Variants in NKAIN2 observed in about 807,000 individuals in gnomAD.
The protein encoded by NKAIN2 is sodium/potassium-transporting ATPase subunit beta-1-interacting protein 2.
In NKAIN2, 14 loss-of-function variants were observed where a neutral mutation model predicts 32.6. That is an observed-to-expected ratio of 0.43 (90% CI 0.28 to 0.67). The LOEUF (loss-of-function observed/expected upper bound fraction) is 0.67. Among genes scored for constraint, NKAIN2 ranks in the 30% least tolerant of loss-of-function variants. The pLI is 0.17. For synonymous variants in NKAIN2, 80 were observed against 87.2 expected, an observed-to-expected ratio of 0.92 and a Z score of 0.46; for missense variants, 198 against 258.3, an observed-to-expected ratio of 0.77 and a Z score of 1.60.
At chr6:124,130,373 G>A (rs1786412046) in intron 1 of NKAIN2, among the ~76,000 whole-genome samples, 1 of 152,072 alleles carries the variant, frequency 6.6e-6, no homozygotes, top group Non-Finnish European at 1.5e-5. Flanking sequence ...AATTCCTGTT[G>A]CGTCTCAAAA....
At chr6:123,853,547 G>A (rs1775436913) in intron 1 of NKAIN2, among the ~76,000 whole-genome samples, 1 of 152,034 alleles carries the variant, frequency 6.6e-6, no homozygotes, top group African/African-American at 2.4e-5. Flanking sequence ...AGAAACACTA[G>A]CCTTTTCATT....
chr6:123,964,110 A>C lies in NKAIN2; in HGVS notation c.54+159856A>C, dbSNP rs1777973884. Among the ~76,000 whole-genome samples, 1 of 152,276 alleles carries C rather than the reference A, an allele frequency of 6.6e-6. No homozygotes were observed. The highest frequency in any genetic ancestry group is 2.4e-5 in the African/African-American group (1 of 41,562). ...ATTACAAAATTACTCCTAGGGGAAA[A>C]TACAAGCTGTTTTATGGTGTGATTT... On this transcript the variant is annotated intron_variant, in intron 1 of 6. Transcript: ENST00000368417. The surrounding 1 kb of genome is among the most constrained non-coding windows in gnomAD (Gnocchi z 4.0).
chr6:124,218,090 A>T (rs1421393348), intron 1 of NKAIN2, among the ~76,000 whole-genome samples: 1 of 142,192 alleles, frequency 7.0e-6, no homozygotes, highest in Non-Finnish European at 1.5e-5. Context: ...AGTGTATGTT[A>T]AAAAAAAAAA....
At chr6:124,762,945 A>C (rs529654646) in intron 4 of NKAIN2, among the ~76,000 whole-genome samples, 1 of 152,334 alleles carries the variant, frequency 6.6e-6, no homozygotes, top group Non-Finnish European at 1.5e-5. Flanking sequence ...GACAGGAAAG[A>C]ATTAAAGTCA....
In NKAIN2 at chr6:124,168,401, T is replaced by C. The variant is rs528380180; in HGVS notation, c.55-114604T>C. 5.8e-4 allele frequency among the ~76,000 whole-genome samples: 88 copies of C among 152,276 alleles called. 1 individual carries two copies. The highest frequency in any genetic ancestry group is 3.4e-3 in the Middle Eastern group (1 of 294). On this transcript the variant is annotated intron_variant, in intron 1 of 6. Coordinates refer to ENST00000368417, the MANE Select transcript of NKAIN2 (RefSeq NM_001040214.3). ...GAATTATATGATATTGTAGTATGGA[T>C]ACTCTTGTACATACACTGAATTTGA...
rs745507217 is a variant in NKAIN2, at chr6:124,818,466, C to T, written c.615C>T (p.Tyr205=). The T allele has an allele frequency of 3.9e-6, 6 of 1,525,934 alleles. No individual in the cohort carries two copies. Among genetic ancestry groups the T allele is most frequent in the Admixed American group, 3.4e-5 (2 of 58,830 alleles). 94.5% of individuals were successfully genotyped at this position (1,525,934 alleles called of 1,614,324 possible). A position where few individuals can be genotyped will look rare whatever the true frequency, so the allele number is the denominator to read the frequency against. Residue 205 remains tyrosine (Y), a splice_region_variant and synonymous_variant, in exon 6 of 7, where the codon TAC becomes TAT. Coordinates refer to ENST00000368417, the MANE Select transcript of NKAIN2 (RefSeq NM_001040214.3). ...CTCATTTACAACTACAGCCTATGTACATGTAAGTATTTTACTTGGAAGGTA... is the reference window on the plus strand; with the variant it reads ...CTCATTTACAACTACAGCCTATGTATATGTAAGTATTTTACTTGGAAGGTA... ...KTSHLQLQPM[Y]MSK
Position 124,658,386 on chromosome 6 carries a change from A to T in NKAIN2, c.474A>T (p.Ala158=). The change falls in exon 4 of 7, where the codon GCA becomes GCT. Residue 158 remains alanine, a splice_region_variant and synonymous_variant. Coordinates refer to ENST00000368417, the MANE Select transcript of NKAIN2 (RefSeq NM_001040214.3). ...VAHSSLQIVL[A]LAGFIYACYV... is the part of the protein sequence containing the mutation. ...ATAGTTCCCTCCAGATTGTCCTCGC[A>T]GTAAGTGTTGGCAGCCAACCGCTCC... is the stretch of plus-strand genomic sequence containing the variant. The T allele has an allele frequency of 6.2e-7, 1 of 1,614,104 alleles. No homozygotes were observed. Among genetic ancestry groups the T allele is most frequent in the Non-Finnish European group, 8.5e-7 (1 of 1,180,012 alleles).
chr6:124,463,195 C>A (rs1314222671), intron 3 of NKAIN2, among the ~76,000 whole-genome samples: 1 of 151,864 alleles, frequency 6.6e-6, no homozygotes, highest in Non-Finnish European at 1.5e-5. Flanking sequence ...ATTTACCCAA[C>A]AACCTAAGTT....
At chr6:124,015,193 G>A (rs959182991) in intron 1 of NKAIN2, among the ~76,000 whole-genome samples, 2 of 151,594 alleles carry the variant, frequency 1.3e-5, no homozygotes, top group African/African-American at 4.9e-5. Flanking sequence ...ATTTCAACAA[G>A]TCAAGGAAAG....
chr6:124,626,539 C>A (rs1323038793), intron 3 of NKAIN2, among the ~76,000 whole-genome samples: 1 of 152,118 alleles, frequency 6.6e-6, no homozygotes, highest in Non-Finnish European at 1.5e-5. Context: ...AGGATGCATT[C>A]AACATCCAGG....
intron 1 of NKAIN2, among the ~76,000 whole-genome samples, chr6:124,223,978 T>C (rs1167250998): frequency 1.3e-5 from 2 of 152,116 alleles, no homozygotes; most frequent in African/African-American, 4.8e-5. Context: ...GTGTAGTTTG[T>C]TAGTCTAATT....
chr6:123,981,626 G>T (rs779392304), intron 1 of NKAIN2, among the ~76,000 whole-genome samples: 1 of 152,168 alleles, frequency 6.6e-6, no homozygotes, highest in Admixed American at 6.5e-5. Context: ...TTCAGCTCTT[G>T]ATAGACTTGT....
At chr6:123,858,208 C>T (rs1247565426) in intron 1 of NKAIN2, among the ~76,000 whole-genome samples, 6 of 151,826 alleles carry the variant, frequency 4.0e-5, no homozygotes, top group Non-Finnish European at 5.9e-5. Context: ...CTCCGCGTCC[C>T]GGGTTCAAGC....
At chr6:124,798,887 G>A (rs1393832759) in intron 5 of NKAIN2, among the ~76,000 whole-genome samples, 1 of 152,138 alleles carries the variant, frequency 6.6e-6, no homozygotes, top group Admixed American at 6.5e-5. Flanking sequence ...CCCCTGTCTT[G>A]TTCCCTGCTG....
chr6:124,577,058 T>C (rs1346995583), intron 3 of NKAIN2, among the ~76,000 whole-genome samples: 1 of 152,160 alleles, frequency 6.6e-6, no homozygotes, highest in East Asian at 1.9e-4. Flanking sequence ...TACCTGATAA[T>C]GGGCTTACCA....
In NKAIN2 at chr6:124,178,049, C is replaced by A. The variant is rs1249274875; in HGVS notation, c.55-104956C>A. Reference sequence around the variant, plus strand: ...CCGCCCGCCTCGGCCTCCCAAAGTGCTGGGATTACAGGCGTGAGCCACCGC... The same window carrying A: ...CCGCCCGCCTCGGCCTCCCAAAGTGATGGGATTACAGGCGTGAGCCACCGC... On this transcript the variant is annotated intron_variant, in intron 1 of 6. Transcript: ENST00000368417. Among the ~76,000 whole-genome samples the A allele has an allele frequency of 2.6e-3, 6 of 2,306 alleles. 3 individuals carry two copies. The highest frequency in any genetic ancestry group is 4.9e-3 in the Non-Finnish European group (4 of 822). The allele number at this position is 2,306 out of a possible 152,430, so 1.5% of individuals were successfully genotyped here. A position where few individuals can be genotyped will look rare whatever the true frequency, so the allele number is the denominator to read the frequency against.
At chr6:124,605,056 C>G (rs141001139) in intron 3 of NKAIN2, among the ~76,000 whole-genome samples, 1 of 151,986 alleles carries the variant, frequency 6.6e-6, no homozygotes, top group South Asian at 2.1e-4. Context: ...ATAAAGAAAC[C>G]CTTTCATGAT....
intron 3 of NKAIN2, among the ~76,000 whole-genome samples, chr6:124,492,664 A>G (rs143651617): frequency 2.3e-4 from 35 of 152,138 alleles, no homozygotes; most frequent in African/African-American, 7.9e-4. Context: ...TGAATGTATT[A>G]TTATAATGCC....
At chr6:124,151,690 C>T (rs1787733171) in intron 1 of NKAIN2, among the ~76,000 whole-genome samples, 1 of 151,976 alleles carries the variant, frequency 6.6e-6, no homozygotes, top group South Asian at 2.1e-4. Flanking sequence ...TTTTAGCAAT[C>T]TAACTAGTAT....
Sources: allele counts gnomAD v4.1 joint callset (sites outside exome capture counted in the v4.1 genomes callset), GRCh38; gene constraint gnomAD v4.1.1; non-coding constraint Gnocchi (gnomAD v3.1); transcripts MANE v1.5; gene names NCBI Gene and HGNC (gene_info 2026-07-23, HGNC 2026-07-21).